Variants in SLC44A5 observed in about 807,000 individuals in gnomAD.
The protein encoded by SLC44A5 is solute carrier family 44 member 5, also known as choline transporter-like protein 5.
In SLC44A5, 57 loss-of-function variants were observed where a neutral mutation model predicts 101.8. The observed-to-expected ratio is 0.56, with a 90% CI of 0.45 to 0.70. The LOEUF (loss-of-function observed/expected upper bound fraction) is 0.70. SLC44A5 is among the 30% of genes least tolerant of loss of function. The pLI is 0.00. For missense variants in SLC44A5, 737 were observed against 853.1 expected (o/e 0.86, Z 1.70); for synonymous variants, 281 against 290.9 (o/e 0.97, Z 0.35).
chr1:75,247,624 G>C (rs1649221307), intron 7 of SLC44A5, among the ~76,000 whole-genome samples: 1 of 152,068 alleles, frequency 6.6e-6, no homozygotes. Context: ...ATGTTAGAAA[G>C]ATTAAGATAA....
intron 2 of SLC44A5, among the ~76,000 whole-genome samples, chr1:75,437,604 G>T (rs2101616181): frequency 6.6e-6 from 1 of 152,190 alleles, no homozygotes; most frequent in East Asian, 1.9e-4. Context: ...ATGAAGAGTG[G>T]CTTCAGTTAT....
intron 6 of SLC44A5, among the ~76,000 whole-genome samples, chr1:75,263,012 T>C (rs768225334): frequency 6.6e-6 from 1 of 152,048 alleles, no homozygotes; most frequent in Non-Finnish European, 1.5e-5. Flanking sequence ...AATAAGACCT[T>C]AAACCATAAA....
chr1:75,399,973 C>A lies in SLC44A5; in HGVS notation c.14-3352G>T, dbSNP rs889294332. Among the ~76,000 whole-genome samples the A allele has an allele frequency of 4.6e-5, 7 of 152,162 alleles. 1 individual carries two copies. Among genetic ancestry groups the A allele is most frequent in the Admixed American group, 2.6e-4 (4 of 15,268 alleles). On this transcript the variant is annotated intron_variant, in intron 2 of 23. Transcript: ENST00000370859. ...TAGGTTAGATAAAGAAAATGTGGTA[C>A]ATACACAACCATGGAATACTAAGCC...
At chr1:75,615,484 G>GGA (rs377397836), upstream of SLC44A5, among the ~76,000 whole-genome samples, 1 of 112,096 alleles carries the variant, frequency 8.9e-6, no homozygotes, top group African/African-American at 3.5e-5. Context: ...CACACGAGAG[G>GGA]GAGAGAGAGA....
At chr1:75,631,012 T>C in the SLC44A5 span, among the ~76,000 whole-genome samples, 2 of 152,232 alleles carry the variant, frequency 1.3e-5, no homozygotes, top group Non-Finnish European at 2.9e-5. Flanking sequence ...TCTCCGAGCA[T>C]GCTCTGCAGT....
intron 4 of SLC44A5, among the ~76,000 whole-genome samples, chr1:75,314,611 T>A (rs1655553366): frequency 6.6e-6 from 1 of 152,122 alleles, no homozygotes; most frequent in Non-Finnish European, 1.5e-5. Flanking sequence ...GCCCAGCACA[T>A]AAAGAATTTC....
At chr1:75,615,432 T>TACACACACACACACACAC (rs776361396), upstream of SLC44A5, among the ~76,000 whole-genome samples, 88 of 77,026 alleles carry the variant, frequency 1.1e-3, no homozygotes, top group Non-Finnish European at 1.1e-3. Context: ...CACACACACA[T>TACACACACACACACACAC]ACATACACAC....
chr1:75,238,060 C>T (rs1004670250), intron 10 of SLC44A5, among the ~76,000 whole-genome samples: 5 of 151,990 alleles, frequency 3.3e-5, no homozygotes, highest in Non-Finnish European at 7.4e-5. Context: ...ATTTGATATG[C>T]CACCAATACA....
intron 10 of SLC44A5, among the ~76,000 whole-genome samples, chr1:75,237,467 G>A (rs886750533): frequency 6.6e-6 from 1 of 152,002 alleles, no homozygotes; most frequent in African/African-American, 2.4e-5. Flanking sequence ...AGGCATGATG[G>A]AACACATACT....
intron 1 of SLC44A5, among the ~76,000 whole-genome samples, chr1:75,547,955 T>A (rs1337965200): frequency 1.3e-5 from 2 of 152,182 alleles, no homozygotes; most frequent in Non-Finnish European, 2.9e-5. Flanking sequence ...AACCCTCAGT[T>A]TTTTAGGGAT....
At chr1:75,418,049 C>T (rs1321150984) in intron 2 of SLC44A5, among the ~76,000 whole-genome samples, 1 of 152,224 alleles carries the variant, frequency 6.6e-6, no homozygotes, top group Non-Finnish European at 1.5e-5. Context: ...TCACACCAAA[C>T]TTCATGTGGC....
the SLC44A5 span, among the ~76,000 whole-genome samples, chr1:75,701,164 A>G: frequency 6.6e-6 from 1 of 152,328 alleles, no homozygotes; most frequent in Non-Finnish European, 1.5e-5. Context: ...TTATGAGCCC[A>G]GCATCATCCT....
chr1:75,330,154 T>TATGCATATATATACGTATAC (rs1656928691), intron 4 of SLC44A5, among the ~76,000 whole-genome samples: 1 of 123,662 alleles, frequency 8.1e-6, no homozygotes, highest in East Asian at 2.0e-4. Flanking sequence ...CATATACGTA[T>TATGCATATATATACGTATAC]ATGCATATAT....
At chr1:75,532,110 T>A (rs983774565) in intron 2 of SLC44A5, among the ~76,000 whole-genome samples, 1 of 152,046 alleles carries the variant, frequency 6.6e-6, no homozygotes, top group African/African-American at 2.4e-5. Context: ...GAAATCTGAG[T>A]TTTAACAAGC....
chr1:75,719,161 T>C, the SLC44A5 span, among the ~76,000 whole-genome samples: 3 of 152,296 alleles, frequency 2.0e-5, no homozygotes, highest in East Asian at 1.9e-4. Flanking sequence ...GTAATGAATG[T>C]CACTTTCTAA....
chr1:75,213,851 G>A (rs974243760), intron 21 of SLC44A5, 58 bp from the exon 22 acceptor site: 4 of 1,531,196 alleles, frequency 2.6e-6, no homozygotes, highest in African/African-American at 2.8e-5. Flanking sequence ...ATAGTTTTTT[G>A]TAGTAAAGCA....
chr1:75,566,899 CA>C (rs1672811561), intron 1 of SLC44A5, among the ~76,000 whole-genome samples: 1 of 152,104 alleles, frequency 6.6e-6, no homozygotes, highest in Non-Finnish European at 1.5e-5. Flanking sequence ...ACAACTAAGG[CA>C]AAAAGAGGTT....
chr1:75,601,324 A>G (rs948063339), intron 1 of SLC44A5, among the ~76,000 whole-genome samples: 1 of 141,310 alleles, frequency 7.1e-6, no homozygotes, highest in African/African-American at 2.6e-5. Context: ...GAGTTGATCA[A>G]TGAGAACACA....
At chr1:75,301,388 C>T (rs1347768267) in intron 4 of SLC44A5, among the ~76,000 whole-genome samples, 2 of 152,140 alleles carry the variant, frequency 1.3e-5, no homozygotes, top group East Asian at 3.8e-4. Context: ...CCCAATATTA[C>T]ATCTTGTTCA....
Sources: allele counts gnomAD v4.1 joint callset (sites outside exome capture counted in the v4.1 genomes callset), GRCh38; gene constraint gnomAD v4.1.1; transcripts MANE v1.5; gene names NCBI Gene and HGNC (gene_info 2026-07-23, HGNC 2026-07-21).